The following JADE1 variants were observed in gnomAD, a reference collection of about 807,000 sequenced individuals.
JADE1 encodes the protein protein Jade-1.
JADE1 carries 14 observed loss-of-function variants against 81.8 expected under a neutral mutation model. The observed-to-expected ratio is 0.17, with a 90% CI of 0.11 to 0.27. JADE1 has a LOEUF of 0.27. Ranked by LOEUF, JADE1 falls within the 10% of genes least tolerant of loss-of-function variation. The pLI, the probability that JADE1 is intolerant of heterozygous loss-of-function variation, is 1.00. For missense variants in JADE1, 690 were observed against 1,047.9 expected (o/e 0.66, Z 4.71); for synonymous variants, 353 against 391.9 (o/e 0.90, Z 1.17).
intron 1 of JADE1, among the ~76,000 whole-genome samples, chr4:128,816,941 G>C (rs1489809187): frequency 6.7e-6 from 1 of 149,836 alleles, no homozygotes; most frequent in African/African-American, 2.5e-5. Context: ...TGCAGTGGTG[G>C]GATCTCGGCT....
chr4:128,854,681 C>T (rs764992426), intron 6 of JADE1, among the ~76,000 whole-genome samples: 3 of 152,196 alleles, frequency 2.0e-5, no homozygotes, highest in Non-Finnish European at 4.4e-5. Flanking sequence ...TACTGTGACT[C>T]TCGACTTCCT....
chr4:128,868,111 CTTTAA>C (rs1162509927), intron 10 of JADE1, 138 bp downstream of exon 10: 12 of 512,032 alleles, frequency 2.3e-5, no homozygotes, highest in African/African-American at 2.1e-4. Flanking sequence ...TAAAGGAAGT[CTTTAA>C]TTTGAGGCAT....
At chr4:128,810,269 G>C (rs1241542029) in intron 1 of JADE1, 1 of 151,916 alleles carries the variant, frequency 6.6e-6, no homozygotes, top group African/African-American at 2.4e-5. Context: ...TTTGGATCCT[G>C]AGAATTGATC....
intron 4 of JADE1, among the ~76,000 whole-genome samples, chr4:128,848,166 C>T (rs1038998110): frequency 1.3e-5 from 2 of 151,918 alleles, no homozygotes; most frequent in South Asian, 2.1e-4. Context: ...TGGTAATGGC[C>T]GGGGTCTTAT....
rs765773827 is a variant in JADE1 at position 128,843,053 on chromosome 4, C to T, written c.138+15C>T. 6.2e-7 allele frequency: 1 copy of T among 1,604,148 alleles called. No individual in the cohort carries two copies. The highest frequency in any genetic ancestry group is 8.5e-7 in the Non-Finnish European group (1 of 1,171,316). ...AGCCTTCAGAGGTACTTCTTGAATG[C>T]TTGCCTGACCGTGCATGAATATATG... On this transcript the variant is annotated intron_variant, in intron 3 of 10. Coordinates refer to ENST00000226319, the MANE Select transcript of JADE1 (RefSeq NM_199320.4).
In JADE1 at chr4:128,857,466, C is replaced by T. The variant is rs1161124535; in HGVS notation, c.981+12C>T. On this transcript the variant is annotated intron_variant, in intron 8 of 10. Transcript: ENST00000226319. Reference sequence around the variant, plus strand: ...GGGCCTCTATACAGGTAATTAGCTTCCTAAGAATGGCTTCATTTTCCTTTC... The same window carrying T: ...GGGCCTCTATACAGGTAATTAGCTTTCTAAGAATGGCTTCATTTTCCTTTC... The T allele has an allele frequency of 1.3e-6, 2 of 1,589,802 alleles. No individual in the cohort carries two copies. Among genetic ancestry groups the T allele is most frequent in the African/African-American group, 1.3e-5 (1 of 74,396 alleles).
At chr4:128,836,737 GTT>G (rs11443617) in intron 2 of JADE1, among the ~76,000 whole-genome samples, 3,324 of 133,146 alleles carry the variant, frequency 0.025, 109 homozygotes, top group African/African-American at 0.081. Context: ...GATCAGCACT[GTT>G]TTTTTTTTTT....
rs1732283779 is a variant in JADE1, at chr4:128,872,679, C to A, written c.*417C>A. 29 of 274,730 alleles carry A rather than the reference C, an allele frequency of 1.1e-4. 1 individual carries two copies. Among genetic ancestry groups the A allele is most frequent in the South Asian group, 9.9e-4 (27 of 27,192 alleles). The allele number at this position is 274,730 out of a possible 1,614,324, so 17.0% of individuals were successfully genotyped here. A position where few individuals can be genotyped will look rare whatever the true frequency, so the allele number is the denominator to read the frequency against. ...AAACCCTCATGGTACCATTCACAGC[C>A]CATAAAGTTTATTTTCTAGGACTGT... On this transcript the variant is annotated 3_prime_UTR_variant, in exon 11 of 11. Coordinates refer to ENST00000226319, the MANE Select transcript of JADE1 (RefSeq NM_199320.4).
chr4:128,815,602 T>C (rs2125788713), intron 1 of JADE1, among the ~76,000 whole-genome samples: 1 of 152,342 alleles, frequency 6.6e-6, no homozygotes, highest in African/African-American at 2.4e-5. Context: ...TGTGTTTCAG[T>C]ACTGAGGTGG....
At chr4:128,841,382 A>G (rs1286061859) in intron 2 of JADE1, among the ~76,000 whole-genome samples, 1 of 152,162 alleles carries the variant, frequency 6.6e-6, no homozygotes, top group Non-Finnish European at 1.5e-5. Flanking sequence ...TTGTCTTTGT[A>G]ACAAATTAAC....
chr4:128,822,666 C>T (rs1320668339), intron 1 of JADE1, among the ~76,000 whole-genome samples: 1 of 151,914 alleles, frequency 6.6e-6, no homozygotes, highest in Non-Finnish European at 1.5e-5. Flanking sequence ...TTGCGGTGAG[C>T]CGAGATCACA....
At chr4:128,868,579 A>G (rs994950440) in intron 10 of JADE1, among the ~76,000 whole-genome samples, 2 of 152,204 alleles carry the variant, frequency 1.3e-5, no homozygotes, top group Non-Finnish European at 2.9e-5. Context: ...TAGGGTATAT[A>G]CTTCCTCTAC....
chr4:128,827,890 CTG>C (rs1005516487), intron 1 of JADE1: 4 of 985,016 alleles, frequency 4.1e-6, no homozygotes, highest in Non-Finnish European at 4.8e-6. Context: ...GAGTAATATG[CTG>C]TGTTACACAT....
chr4:128,828,924 T>C (rs1409163950), intron 1 of JADE1, among the ~76,000 whole-genome samples: 1 of 152,194 alleles, frequency 6.6e-6, no homozygotes, highest in Non-Finnish European at 1.5e-5. Flanking sequence ...GGATTACACA[T>C]GTGAGCCACC....
intron 9 of JADE1, chr4:128,862,499 G>A (rs1731423761): frequency 7.7e-7 from 1 of 1,304,534 alleles, no homozygotes; most frequent in Non-Finnish European, 9.8e-7. Flanking sequence ...ATCAAATGGG[G>A]TGTGTCTTCC....
Position 128,855,697 on chromosome 4 carries a change from A to G in JADE1, c.764A>G (p.Gln255Arg). The G allele has an allele frequency of 9.3e-6, 15 of 1,614,200 alleles. No individual in the cohort carries two copies. The highest frequency in any genetic ancestry group is 1.2e-5 in the Non-Finnish European group (14 of 1,180,014). ...TGCCGGACATGTGCCCTGGGGGTTCAGCCAAAATGTCTGCTGTGTCCGAAG... is the reference window on the plus strand; with the variant it reads ...TGCCGGACATGTGCCCTGGGGGTTCGGCCAAAATGTCTGCTGTGTCCGAAG... ...WLCRTCALGV[Q>R]PKCLLCPKKG... Residue 255 changes from glutamine to arginine, a missense_variant, in exon 7 of 11, where the codon CAG (glutamine) becomes CGG (arginine). Physicochemically the swap from Gln to Arg is conservative, Grantham distance 43. Around this residue, in one of 8 missense-constraint regions of JADE1, gnomAD observed 84 missense variants for 226.6 expected, o/e 0.37. Transcript: ENST00000226319.
intron 1 of JADE1, among the ~76,000 whole-genome samples, chr4:128,817,634 T>G (rs1376529372): frequency 6.6e-6 from 1 of 152,236 alleles, no homozygotes; most frequent in Non-Finnish European, 1.5e-5. Flanking sequence ...TTTTATTGAT[T>G]ACTCTTTGTC....
chr4:128,848,932 TCTGTGG>T, intron 4 of JADE1, 42 bp from the exon 5 acceptor site: 1 of 1,593,500 alleles, frequency 6.3e-7, no homozygotes, highest in Non-Finnish European at 8.6e-7. Flanking sequence ...CACTTCATTG[TCTGTGG>T]CTGAAAGGGT....
chr4:128,810,704 T>C (rs1269911897), intron 1 of JADE1, among the ~76,000 whole-genome samples: 1 of 126,378 alleles, frequency 7.9e-6, no homozygotes, highest in Non-Finnish European at 1.6e-5. Flanking sequence ...TCCAAAATAT[T>C]CATTGCATCA....
Sources: allele counts gnomAD v4.1 joint callset (sites outside exome capture counted in the v4.1 genomes callset), GRCh38; gene constraint gnomAD v4.1.1; regional missense constraint gnomAD v4.1.1; transcripts MANE v1.5; gene names NCBI Gene and HGNC (gene_info 2026-07-23, HGNC 2026-07-21).